Variants in CD81 observed in about 807,000 individuals in gnomAD.
CD81 encodes the protein CD81 antigen.
A neutral mutation model predicts 30.1 loss-of-function variants in CD81; 10 were observed. The observed-to-expected ratio is 0.33, with a 90% CI of 0.21 to 0.56. CD81 has a LOEUF of 0.56. CD81 is among the 20% of genes least tolerant of loss of function. The pLI, the probability that CD81 is intolerant of heterozygous loss-of-function variation, is 0.89. For synonymous variants in CD81, 147 were observed against 126.4 expected, an observed-to-expected ratio of 1.16 and a Z score of -1.10; for missense variants, 263 against 308.7, an observed-to-expected ratio of 0.85 and a Z score of 1.11.
chr11:2,385,286 T>C (rs952094765), intron 1 of CD81, among the ~76,000 whole-genome samples: 9 of 152,086 alleles, frequency 5.9e-5, no homozygotes, highest in African/African-American at 1.9e-4. Context: ...TATACCCCCG[T>C]GAAACCATCA....
In CD81 at chr11:2,390,075, A is replaced by G. The variant is rs1464099628; in HGVS notation, c.67-337A>G. ...TATTTTTTTGTATGTCCCGTGCAATATTTGGGACACACTTACCCTAAAGAA... is the reference window on the plus strand; with the variant it reads ...TATTTTTTTGTATGTCCCGTGCAATGTTTGGGACACACTTACCCTAAAGAA... On this transcript the variant is annotated intron_variant, in intron 1 of 7. Transcript: ENST00000263645. 1.1e-5 allele frequency: 5 copies of G among 438,356 alleles called. No homozygotes were observed. The East Asian group carries it at 2.4e-4, about 21-fold the overall frequency. 27.2% of individuals were successfully genotyped at this position (438,356 alleles called of 1,614,324 possible). A position where few individuals can be genotyped will look rare whatever the true frequency, so the allele number is the denominator to read the frequency against.
At chr11:2,396,318 G>C in intron 6 of CD81, 4 of 573,076 alleles carry the variant, frequency 7.0e-6, no homozygotes, top group Non-Finnish European at 1.3e-5. Context: ...GAAGTTTCCT[G>C]CTGAGGCCTC....
rs962083736 is a variant in CD81, at chr11:2,386,661, T to C, written c.67-3751T>C. On this transcript the variant is annotated intron_variant, in intron 1 of 7. Coordinates refer to ENST00000263645, the MANE Select transcript of CD81 (RefSeq NM_004356.4). ...TCAGGTGAGGCCTCTGCCCAGTGCCTGGCACTCCTTCTTGCCCCATTTTTC... is the reference window on the plus strand; with the variant it reads ...TCAGGTGAGGCCTCTGCCCAGTGCCCGGCACTCCTTCTTGCCCCATTTTTC... 1.3e-5 allele frequency: 9 copies of C among 714,346 alleles called. No homozygotes were observed. The Admixed American group carries it at 1.4e-4, about 11-fold the overall frequency. The allele number at this position is 714,346 out of a possible 1,614,324, so 44.3% of individuals were successfully genotyped here.
intron 2 of CD81, chr11:2,393,695 A>AC: frequency 1.7e-6 from 1 of 586,200 alleles, no homozygotes; most frequent in Non-Finnish European, 3.0e-6. Context: ...TGCCACTCCC[A>AC]CCCCACGCCA....
intron 1 of CD81, among the ~76,000 whole-genome samples, chr11:2,388,075 C>T (rs1263673672): frequency 6.6e-6 from 1 of 152,182 alleles, no homozygotes; most frequent in Non-Finnish European, 1.5e-5. Context: ...GAGACAGGGT[C>T]TTGCTCTGTC....
At position 2,394,037 on chromosome 11, in the gene CD81, G is replaced by A. The variant is rs574045896; in HGVS notation, c.182-58G>A. ...GTGGGTTCGGCACCCAGGACCCTCC[G>A]GGGTCTTGGGCTGTGGCGAGTGTGT... On this transcript the variant is annotated intron_variant, in intron 2 of 7. Transcript: ENST00000263645. 96 of 1,347,058 alleles carry A rather than the reference G, an allele frequency of 7.1e-5. 2 individuals are homozygous for A. Among genetic ancestry groups the A allele is most frequent in the South Asian group, 7.0e-4 (60 of 85,960 alleles). 83.4% of individuals were successfully genotyped at this position (1,347,058 alleles called of 1,614,324 possible).
At chr11:2,396,451 C>G (rs1589854665) in intron 6 of CD81, 177 bp from the exon 7 acceptor site, 3 of 652,652 alleles carry the variant, frequency 4.6e-6, no homozygotes, top group East Asian at 5.4e-5. Context: ...TGGAAGATAG[C>G]AAGCCGGCAG....
chr11:2,387,344 C>T (rs1849815279), intron 1 of CD81, among the ~76,000 whole-genome samples: 1 of 152,220 alleles, frequency 6.6e-6, no homozygotes. Flanking sequence ...ACCTGCCCCA[C>T]TCTGTCCTGG....
rs769853371 is a variant in CD81, at chr11:2,396,857, C to T, written c.702C>T (p.Ser234=). The part of the protein sequence containing the change: ...MVLCCGIRNS[S]VY Reference sequence around the variant, plus strand: ...TGTGCTGTGGCATCCGGAACAGCTCCGTGTACTGAGGCCCCGCAGCTCTGG... The same window carrying T: ...TGTGCTGTGGCATCCGGAACAGCTCTGTGTACTGAGGCCCCGCAGCTCTGG... The change falls in exon 8 of 8, where the codon TCC becomes TCT. Residue 234 remains serine (S), a synonymous_variant. Transcript: ENST00000263645. 67 of 1,612,580 alleles carry T rather than the reference C, an allele frequency of 4.2e-5. No homozygotes were observed. The highest frequency in any genetic ancestry group is 5.2e-5 in the Non-Finnish European group (61 of 1,180,002).
chr11:2,392,942 C>T (rs1384930808), intron 2 of CD81: 1 of 152,318 alleles, frequency 6.6e-6, no homozygotes, highest in Non-Finnish European at 1.5e-5. Flanking sequence ...CCAGGAGTGT[C>T]AGGGCCTGAG....
chr11:2,389,730 C>T (rs545958831), intron 1 of CD81, among the ~76,000 whole-genome samples: 1 of 152,250 alleles, frequency 6.6e-6, no homozygotes, highest in African/African-American at 2.4e-5. Flanking sequence ...TCCCAAGTCC[C>T]TTCCCAGGGC....
At chr11:2,390,309 G>C in intron 1 of CD81, 103 bp from the exon 2 acceptor site, 1 of 902,306 alleles carries the variant, frequency 1.1e-6, no homozygotes, top group Non-Finnish European at 1.8e-6. Flanking sequence ...CCCTGCTCGG[G>C]AGCCAGCAAG....
rs759543202 is a variant in CD81, at chr11:2,394,984, C to T, written c.292C>T (p.Leu98=). 1.9e-6 allele frequency: 3 copies of T among 1,612,846 alleles called. No individual in the cohort carries two copies. Among genetic ancestry groups the T allele is most frequent in the Non-Finnish European group, 2.5e-6 (3 of 1,179,980 alleles). ...TGCCCGGCTCCAGTTCTTCACCTGC[C>T]TGGTCATCCTGTTTGCCTGTGAGGT... The part of the protein sequence containing the change: ...QCLLGTFFTC[L]VILFACEVAA... The change falls in exon 4 of 8, where the codon CTG becomes TTG. Residue 98 remains leucine, a synonymous_variant. Transcript: ENST00000263645.
chr11:2,381,182 C>T (rs185984009), intron 1 of CD81, among the ~76,000 whole-genome samples: 3 of 152,270 alleles, frequency 2.0e-5, no homozygotes, highest in East Asian at 3.9e-4. Flanking sequence ...TCAAGCGGGC[C>T]GAGAAGAGGA....
At chr11:2,384,396 C>T (rs11022542) in intron 1 of CD81, among the ~76,000 whole-genome samples, 2,881 of 12,612 alleles carry the variant, frequency 0.23, 256 homozygotes, top group African/African-American at 0.44. Context: ...TGGGGCGTCT[C>T]GTGGGGTGGG....
rs775538716 is a variant in CD81, at chr11:2,396,917, C to G, written c.*51C>G. 6.5e-7 allele frequency: 1 copy of G among 1,536,118 alleles called. No individual in the cohort carries two copies. The highest frequency in any genetic ancestry group is 9.0e-7 in the Non-Finnish European group (1 of 1,113,302). Reference sequence around the variant, plus strand: ...CCTCTGCAGTGCCCCCTAAGTGACCCGGACACTTCCGAGGGGGCCATCACC... The same window carrying G: ...CCTCTGCAGTGCCCCCTAAGTGACCGGGACACTTCCGAGGGGGCCATCACC... On this transcript the variant is annotated 3_prime_UTR_variant, in exon 8 of 8. Transcript: ENST00000263645.
intron 3 of CD81, 141 bp from the exon 4 acceptor site, chr11:2,394,831 C>T: frequency 1.3e-6 from 1 of 778,778 alleles, no homozygotes; most frequent in Non-Finnish European, 2.3e-6. Context: ...TCCACACAAG[C>T]CGCTCACTCC....
At chr11:2,395,685 G>T in intron 5 of CD81, 165 bp downstream of exon 5, 1 of 748,244 alleles carries the variant, frequency 1.3e-6, no homozygotes, top group Non-Finnish European at 2.3e-6. Context: ...GAACCTAGTG[G>T]GCCAGGGTGG....
At position 2,377,606 on chromosome 11, in the gene CD81, C is replaced by A. The variant is rs1268759524; in HGVS notation, c.57C>A (p.Phe19Leu). 1.3e-6 allele frequency: 2 copies of A among 1,544,494 alleles called. No individual in the cohort carries two copies. The highest frequency in any genetic ancestry group is 1.7e-6 in the Non-Finnish European group (2 of 1,142,954). ...CIKYLLFVFN[F>L]VFWLAGGVIL... ...AGTACCTGCTCTTCGTCTTCAATTT[C>A]GTCTTCTGGGTAAGGGCTGCGCCGG... The change falls in exon 1 of 8, where the codon TTC (phenylalanine) becomes TTA (leucine). Residue 19 changes from phenylalanine (F) to leucine (L), a missense_variant. By Grantham distance (22) the Phe-to-Leu change is conservative. This residue lies in a region of CD81 where 84 missense variants were observed against 98.2 expected (regional missense o/e 0.86). Transcript: ENST00000263645. The surrounding 1 kb of genome is among the most constrained non-coding windows in gnomAD (Gnocchi z 7.7).
Sources: gnomAD v4.1 joint callset for allele counts (sites outside exome capture counted in the v4.1 genomes callset) on GRCh38, gnomAD v4.1.1 for gene constraint, gnomAD v4.1.1 regional missense constraint, Gnocchi (gnomAD v3.1) non-coding constraint, MANE v1.5 for transcripts, NCBI Gene and HGNC (gene_info 2026-07-23, HGNC 2026-07-21) for gene names.